The following COL6A1 variants were observed in gnomAD, a reference collection of about 807,000 sequenced individuals.
COL6A1 encodes the protein collagen type VI alpha 1 chain, also known as collagen alpha-1(VI) chain.
In COL6A1, 80 loss-of-function variants were observed where a neutral mutation model predicts 145.6. The observed-to-expected ratio is 0.55, with a 90% CI of 0.46 to 0.66. COL6A1 has a LOEUF of 0.66. Ranked by LOEUF, COL6A1 falls within the 30% of genes least tolerant of loss-of-function variation. The pLI, the probability that COL6A1 is intolerant of heterozygous loss-of-function variation, is 0.00. For missense variants in COL6A1, 1,364 were observed against 1,473.8 expected (o/e 0.93, Z 1.22); for synonymous variants, 638 against 622.8 (o/e 1.02, Z -0.36).
Position 45,994,089 on chromosome 21 carries a change from T to C in COL6A1, c.1336-78T>C. 3 of 1,415,406 alleles carry C rather than the reference T, an allele frequency of 2.1e-6. No individual in the cohort carries two copies. The highest frequency in any genetic ancestry group is 2.9e-6 in the Non-Finnish European group (3 of 1,022,966). 87.7% of individuals were successfully genotyped at this position (1,415,406 alleles called of 1,614,324 possible). A position where few individuals can be genotyped will look rare whatever the true frequency, so the allele number is the denominator to read the frequency against. On this transcript the variant is annotated intron_variant, in intron 19 of 34. Coordinates refer to ENST00000361866, the MANE Select transcript of COL6A1 (RefSeq NM_001848.3). This position sits in a 1 kb window ranked among gnomAD's most constrained non-coding sequence, Gnocchi z 6.8. ...CCCAGTGACCACCTGGACAGCATGC[T>C]GTGGCTCCCAGCGTGCCCGGGCAGC...
intron 34 of COL6A1, 111 bp downstream of exon 34, chr21:46,003,260 G>A (rs542735405): frequency 1.9e-6 from 3 of 1,604,206 alleles, no homozygotes; most frequent in East Asian, 2.2e-5. Flanking sequence ...GAGAGTAGGT[G>A]CATGGCTCAC....
chr21:45,991,140 C>T (rs1028718427), intron 15 of COL6A1, 99 bp downstream of exon 15: 21 of 1,373,120 alleles, frequency 1.5e-5, no homozygotes, highest in African/African-American at 1.4e-4. Flanking sequence ...CCGAGCATGT[C>T]GGCCACCCGT....
At position 46,003,543 on chromosome 21, in the gene COL6A1, G is replaced by T. The variant is rs879388648; in HGVS notation, c.2617G>T (p.Val873Leu). The T allele has an allele frequency of 4.3e-6, 7 of 1,612,032 alleles. No homozygotes were observed. The highest frequency in any genetic ancestry group is 5.1e-6 in the Non-Finnish European group (6 of 1,179,510). Reference sequence around the variant, plus strand: ...GACGGACCCCGCCCACGACGTGCGGGTGGCGGTGGTGCAGTACAGCGGCAC... The same window carrying T: ...GACGGACCCCGCCCACGACGTGCGGTTGGCGGTGGTGCAGTACAGCGGCAC... ...GRTDPAHDVRVAVVQYSGTGQ... is the reference protein window; with the variant it reads ...GRTDPAHDVRLAVVQYSGTGQ... Residue 873 changes from valine (V) to leucine (L), a missense_variant, in exon 35 of 35, where the codon GTG becomes TTG. Coordinates refer to ENST00000361866, the MANE Select transcript of COL6A1 (RefSeq NM_001848.3).
rs141713954 is a variant in COL6A1 at position 46,003,663 on chromosome 21, G to A, written c.2737G>A (p.Ala913Thr). ...CGATGCCATGGACTTTATCAACGAC[G>A]CCACCGACGTCAACGATGCCCTGGG... ...AVDAMDFIND[A>T]TDVNDALGYV... The change falls in exon 35 of 35, where the codon GCC becomes ACC. Residue 913 changes from alanine (A) to threonine (T), a missense_variant. Ala to Thr is a moderately conservative substitution (Grantham distance 58, BLOSUM62 0). Around this residue, in one of 3 missense-constraint regions of COL6A1, gnomAD observed 938 missense variants for 1,003.8 expected, o/e 0.93. Coordinates refer to ENST00000361866, the MANE Select transcript of COL6A1 (RefSeq NM_001848.3). 8 of 1,612,928 alleles carry A rather than the reference G, an allele frequency of 5.0e-6. No individual in the cohort carries two copies. Among genetic ancestry groups the A allele is most frequent in the Admixed American group, 1.7e-5 (1 of 60,010 alleles).
At chr21:45,984,548 C>T (rs1404224171) in intron 3 of COL6A1, 79 bp downstream of exon 3, 28 of 1,401,398 alleles carry the variant, frequency 2.0e-5, no homozygotes, top group Middle Eastern at 1.7e-4. Context: ...CCTGGGGTCC[C>T]TGTGCGGCTT....
At chr21:45,983,687 G>C (rs561174128) in intron 2 of COL6A1, among the ~76,000 whole-genome samples, 2 of 152,112 alleles carry the variant, frequency 1.3e-5, no homozygotes, top group African/African-American at 4.8e-5. Context: ...GGATGGCACC[G>C]GGGAGGGGCG....
At chr21:45,984,248 C>T (rs778040083) in intron 2 of COL6A1, 21 bp from the exon 3 acceptor site, 31 of 1,591,056 alleles carry the variant, frequency 1.9e-5, no homozygotes, top group Non-Finnish European at 2.4e-5. Context: ...GCCTCACGCC[C>T]GCCGTGCCTG....
rs796362879 is a variant in COL6A1 at position 46,004,717 on chromosome 21, G to C, written c.*704G>C. On this transcript the variant is annotated 3_prime_UTR_variant, in exon 35 of 35. Transcript: ENST00000361866. ...TGGACCTTGGCCCTACAGCCCTGGA[G>C]GCCGCTGCTGACCAGCACTGACCCC... The C allele has an allele frequency of 9.0e-5, 41 of 453,676 alleles. No individual in the cohort carries two copies. The highest frequency in any genetic ancestry group is 7.6e-4 in the African/African-American group (38 of 50,146). 28.1% of individuals were successfully genotyped at this position (453,676 alleles called of 1,614,324 possible). A position where few individuals can be genotyped will look rare whatever the true frequency, so the allele number is the denominator to read the frequency against.
chr21:45,991,508 G>A (rs546824369), intron 15 of COL6A1, among the ~76,000 whole-genome samples: 216 of 152,274 alleles, frequency 1.4e-3, no homozygotes, highest in Non-Finnish European at 2.5e-3. Flanking sequence ...AGCACGAGGC[G>A]GGAGAAGGAG....
At chr21:45,984,090 C>T (rs1364555340) in intron 2 of COL6A1, among the ~76,000 whole-genome samples, 179 bp from the exon 3 acceptor site, 9 of 152,328 alleles carry the variant, frequency 5.9e-5, no homozygotes, top group African/African-American at 2.2e-4. Flanking sequence ...TTGCTGGCCA[C>T]ACCCGCCTGC....
intron 30 of COL6A1, 76 bp downstream of exon 30, chr21:46,001,462 A>G (rs914368442): frequency 3.2e-6 from 5 of 1,578,572 alleles, no homozygotes; most frequent in Non-Finnish European, 4.3e-6. Flanking sequence ...CCCGCGCCAG[A>G]CCTCAGCCTC....
At chr21:45,986,416 G>A in intron 3 of COL6A1, 110 bp from the exon 4 acceptor site, 2 of 1,060,134 alleles carry the variant, frequency 1.9e-6, no homozygotes, top group South Asian at 2.7e-5. Context: ...TCAGCAAAGA[G>A]AGGCGGCTCC....
chr21:45,984,092 C>G (rs938257426), intron 2 of COL6A1, among the ~76,000 whole-genome samples, 177 bp from the exon 3 acceptor site: 13 of 152,222 alleles, frequency 8.5e-5, no homozygotes, highest in African/African-American at 3.1e-4. Context: ...GCTGGCCACA[C>G]CCGCCTGCAC....
Position 45,989,018 on chromosome 21 carries a change from G to C in COL6A1, c.805-66G>C, listed in dbSNP as rs1283866274. Reference sequence around the variant, plus strand: ...GGATGAAGCGTCTTTTTAAAAACCTGTTTCGTGAGCCAGCTTTTTAGAAAG... The same window carrying C: ...GGATGAAGCGTCTTTTTAAAAACCTCTTTCGTGAGCCAGCTTTTTAGAAAG... On this transcript the variant is annotated intron_variant, in intron 8 of 34. Coordinates refer to ENST00000361866, the MANE Select transcript of COL6A1 (RefSeq NM_001848.3). 7 of 1,586,524 alleles carry C rather than the reference G, an allele frequency of 4.4e-6. No homozygotes were observed. In the Admixed American group the frequency reaches 1.1e-4, roughly 24 times the overall value.
At position 46,003,488 on chromosome 21, in the gene COL6A1, C is replaced by T. The variant is rs747480569; in HGVS notation, c.2562C>T (p.Arg854=). 1 of 1,610,414 alleles carries T rather than the reference C, an allele frequency of 6.2e-7. No individual in the cohort carries two copies. The highest frequency in any genetic ancestry group is 8.5e-7 in the Non-Finnish European group (1 of 1,179,544). ...ACACCACCAAGCGCTTCGCCAAGCG[C>T]CTGGCCGAGCGCTTCCTCACAGCGG... ...NFDTTKRFAK[R]LAERFLTAGR... is the part of the protein sequence containing the mutation. Residue 854 remains arginine (R), a synonymous_variant, in exon 35 of 35, where the codon CGC becomes CGT. Transcript: ENST00000361866.
At chr21:45,996,338 A>T (rs1054865417) in intron 20 of COL6A1, among the ~76,000 whole-genome samples, 2 of 152,250 alleles carry the variant, frequency 1.3e-5, no homozygotes, top group African/African-American at 4.8e-5. Context: ...TCAAGTGTGC[A>T]GTCCTGACTG....
At chr21:46,000,537 G>A (rs1474084065) in intron 28 of COL6A1, among the ~76,000 whole-genome samples, 170 bp downstream of exon 28, 2 of 152,150 alleles carry the variant, frequency 1.3e-5, no homozygotes, top group South Asian at 2.1e-4. Context: ...CCAGGCCCCC[G>A]GGTCCCCGCA....
At chr21:46,001,142 A>G (rs1268361133) in intron 29 of COL6A1, 111 bp from the exon 30 acceptor site, 14 of 1,451,206 alleles carry the variant, frequency 9.6e-6, no homozygotes, top group African/African-American at 1.4e-5. Flanking sequence ...GGGGGACCCC[A>G]ACGTGTCAGG....
chr21:45,990,938 T>G, intron 14 of COL6A1, 41 bp from the exon 15 acceptor site: 2 of 1,609,938 alleles, frequency 1.2e-6, no homozygotes, highest in East Asian at 2.2e-5. Flanking sequence ...GAGGCCGCGG[T>G]GGCCTCTGCC....
Sources: allele counts gnomAD v4.1 joint callset (sites outside exome capture counted in the v4.1 genomes callset), GRCh38; gene constraint gnomAD v4.1.1; regional missense constraint gnomAD v4.1.1; non-coding constraint Gnocchi (gnomAD v3.1); transcripts MANE v1.5; gene names NCBI Gene and HGNC (gene_info 2026-07-23, HGNC 2026-07-21).